GNL3L: variants seen among roughly 807,000 people sequenced by gnomAD.
GNL3L encodes guanine nucleotide-binding protein-like 3-like protein.
GNL3L carries 4 observed loss-of-function variants against 42.9 expected under a neutral mutation model. That is an observed-to-expected ratio of 0.09 (90% confidence interval 0.05 to 0.21). The LOEUF is 0.21. Among genes scored for constraint, GNL3L ranks in the 10% least tolerant of loss-of-function variants. GNL3L has a pLI of 1.00. For missense variants in GNL3L, 412 were observed against 481.7 expected (o/e 0.86, Z 1.36); for synonymous variants, 159 against 176.3 (o/e 0.90, Z 0.78).
chrX:54,558,831 A>G (rs754047049), intron 15 of GNL3L, among the ~76,000 whole-genome samples, 176 bp downstream of exon 15: 11 of 110,787 alleles, frequency 9.9e-5, no homozygotes, highest in Non-Finnish European at 2.1e-4. Context: ...TCATTTTTGT[A>G]TTTTTAGTAG....
intron 1 of GNL3L, among the ~76,000 whole-genome samples, chrX:54,531,273 A>G (rs750466630): frequency 2.4e-4 from 26 of 106,205 alleles, no homozygotes; most frequent in Middle Eastern, 4.9e-3. Context: ...CCAAAGATTT[A>G]GAATCACTAA....
At chrX:54,637,650 TTTATC>T in the GNL3L span, among the ~76,000 whole-genome samples, 1 of 112,597 alleles carries the variant, frequency 8.9e-6, no homozygotes, top group Non-Finnish European at 1.9e-5. Flanking sequence ...AGGCCTCTGC[TTTATC>T]TTATTTACTT....
At chrX:54,622,581 G>C (rs1030307256), downstream of GNL3L, among the ~76,000 whole-genome samples, 1 of 109,858 alleles carries the variant, frequency 9.1e-6, no homozygotes, top group South Asian at 3.9e-4. Context: ...CACTGCACCC[G>C]GCCGAGTTGC....
chrX:54,544,514 G>C (rs982060047), intron 8 of GNL3L, among the ~76,000 whole-genome samples, 188 bp downstream of exon 8: 3 of 106,932 alleles, frequency 2.8e-5, no homozygotes, highest in African/African-American at 1.0e-4. Context: ...TTATTGCCCA[G>C]GTTGGAATGC....
rs1925420729 is a variant in GNL3L at position 54,566,102 on chromosome X, T to C, written c.*5500T>C. Reference sequence around the variant, plus strand: ...TCCCAAAGTTCTGGGATTACAGGCATGAGCCATTGTGCCTGGCCAGTATCT... The same window carrying C: ...TCCCAAAGTTCTGGGATTACAGGCACGAGCCATTGTGCCTGGCCAGTATCT... On this transcript the variant is annotated 3_prime_UTR_variant, in exon 16 of 16. Transcript: ENST00000360845. Among the ~76,000 whole-genome samples, 1 of 111,897 alleles carries C rather than the reference T, an allele frequency of 8.9e-6. No homozygotes were observed. The highest frequency in any genetic ancestry group is 9.5e-5 in the Admixed American group (1 of 10,492).
intron 5 of GNL3L, among the ~76,000 whole-genome samples, chrX:54,542,136 G>A (rs1248913309): frequency 1.8e-5 from 2 of 111,857 alleles, no homozygotes; most frequent in African/African-American, 3.2e-5. Context: ...TAGGGTACAC[G>A]TGCACAACGT....
At chrX:54,554,507 A>G in intron 13 of GNL3L, 58 bp from the exon 14 acceptor site, 1 of 1,166,727 alleles carries the variant, frequency 8.6e-7, no homozygotes, top group Non-Finnish European at 1.2e-6. Flanking sequence ...AGGCCTGACC[A>G]GGGGGCTGGC....
the GNL3L span, among the ~76,000 whole-genome samples, chrX:54,633,434 TC>T: frequency 9.0e-6 from 1 of 111,465 alleles, no homozygotes; most frequent in African/African-American, 3.3e-5. Context: ...TATTCAGGTT[TC>T]TCAGGTGATG....
chrX:54,547,902 G>A lies in GNL3L; in HGVS notation c.631-327G>A, dbSNP rs189989272. ...ACACAGGGCACTGAGGCCTGGAGAA[G>A]GGAAGCAGGCTTTGCTGGACATAGG... On this transcript the variant is annotated intron_variant, in intron 8 of 15. Transcript: ENST00000360845. Among the ~76,000 whole-genome samples the A allele has an allele frequency of 9.8e-5, 11 of 111,874 alleles. No individual in the cohort carries two copies. In the East Asian group the frequency reaches 2.9e-3, roughly 29 times the overall value.
At chrX:54,619,840 A>C (rs933029390) in intron 16 of GNL3L, among the ~76,000 whole-genome samples, 1 of 111,924 alleles carries the variant, frequency 8.9e-6, no homozygotes, top group Non-Finnish European at 1.9e-5. Context: ...GATGATGCAG[A>C]TTATAGTGAA....
At chrX:54,578,011 A>C (rs1925659615) in intron 16 of GNL3L, among the ~76,000 whole-genome samples, 1 of 111,822 alleles carries the variant, frequency 8.9e-6, no homozygotes, top group African/African-American at 3.3e-5. Context: ...CCAAAGTGCC[A>C]GGATTACAGG....
At chrX:54,614,402 C>A (rs1039496494) in intron 16 of GNL3L, among the ~76,000 whole-genome samples, 1 of 111,076 alleles carries the variant, frequency 9.0e-6, no homozygotes, top group Non-Finnish European at 1.9e-5. Flanking sequence ...AGTCTGCACA[C>A]CGGATTTGCG....
chrX:54,614,611 C>T (rs1926200866), intron 16 of GNL3L, among the ~76,000 whole-genome samples: 1 of 111,266 alleles, frequency 9.0e-6, no homozygotes, highest in African/African-American at 3.3e-5. Context: ...CTTCCTCTAC[C>T]CCTATATTTC....
intron 16 of GNL3L, among the ~76,000 whole-genome samples, chrX:54,573,623 C>T (rs1028627820): frequency 1.8e-5 from 2 of 111,475 alleles, no homozygotes; most frequent in Non-Finnish European, 3.8e-5. Context: ...TCTGCATTGT[C>T]TAGTGTGCTG....
In GNL3L at chrX:54,562,619, GA is replaced by G. The variant is rs1181846880; in HGVS notation, c.*2027del. Among the ~76,000 whole-genome samples, 18 of 105,633 alleles carry G rather than the reference GA, an allele frequency of 1.7e-4. No homozygotes were observed. The highest frequency in any genetic ancestry group is 5.9e-4 in the East Asian group (2 of 3,406). 91.7% of individuals were successfully genotyped at this position (105,633 alleles called of 115,157 possible). A position where few individuals can be genotyped will look rare whatever the true frequency, so the allele number is the denominator to read the frequency against. On this transcript the variant is annotated 3_prime_UTR_variant, in exon 16 of 16. Coordinates refer to ENST00000360845, the MANE Select transcript of GNL3L (RefSeq NM_001184819.2). ...TAGTAAGGGATTCGTCTCCCCAAAT[GA>G]AAAAAAAAAGTAATCTCAGAATGTT...
chrX:54,574,827 C>T (rs775836225), intron 16 of GNL3L, among the ~76,000 whole-genome samples: 1 of 112,141 alleles, frequency 8.9e-6, no homozygotes, highest in South Asian at 3.6e-4. Flanking sequence ...TATTGCATTT[C>T]TTCCTGAGTT....
At chrX:54,638,673 C>G in the GNL3L span, among the ~76,000 whole-genome samples, 4 of 111,572 alleles carry the variant, frequency 3.6e-5, no homozygotes, top group Non-Finnish European at 5.6e-5. Flanking sequence ...TGGTCTCGAA[C>G]TTCTGACCTC....
chrX:54,563,513 A>G lies in GNL3L; in HGVS notation c.*2911A>G, dbSNP rs1481660279. The stretch of plus-strand genomic sequence containing the variant: ...AATTTGGGACTGCAGGCCAGTTACG[A>G]TAGCTCTCACCTGTAATCCCAGCAT... On this transcript the variant is annotated 3_prime_UTR_variant, in exon 16 of 16. Coordinates refer to ENST00000360845, the MANE Select transcript of GNL3L (RefSeq NM_001184819.2). Among the ~76,000 whole-genome samples the G allele has an allele frequency of 8.9e-6, 1 of 111,742 alleles. No individual in the cohort carries two copies. Among genetic ancestry groups the G allele is most frequent in the African/African-American group, 3.3e-5 (1 of 30,736 alleles).
chrX:54,532,620 C>T, intron 2 of GNL3L, 35 bp downstream of exon 2: 1 of 1,079,143 alleles, frequency 9.3e-7, no homozygotes, highest in Non-Finnish European at 1.3e-6. Context: ...CAATCCTGTG[C>T]TTTTAATGAA....
Sources: allele counts gnomAD v4.1 joint callset (sites outside exome capture counted in the v4.1 genomes callset), GRCh38; gene constraint gnomAD v4.1.1; transcripts MANE v1.5; gene names NCBI Gene and HGNC (gene_info 2026-07-23, HGNC 2026-07-21).